SRFBP1: variants seen among roughly 807,000 people sequenced by gnomAD.
SRFBP1 encodes serum response factor binding protein 1.
In SRFBP1, 47 loss-of-function variants were observed where a neutral mutation model predicts 45.5. The observed-to-expected ratio is 1.03, with a 90% CI of 0.82 to 1.32. The LOEUF (loss-of-function observed/expected upper bound fraction) is 1.32. Ranked by LOEUF, SRFBP1 falls within the 40% of genes most tolerant of loss-of-function variation. The pLI is 0.00. For missense variants in SRFBP1, 621 were observed against 484.6 expected (o/e 1.28, Z -2.64); for synonymous variants, 203 against 166.3 (o/e 1.22, Z -1.70).
chr5:122,077,891 G>A (rs780762236), downstream of SRFBP1: 68 of 1,527,572 alleles, frequency 4.5e-5, no homozygotes, highest in East Asian at 1.5e-3. The surrounding 1 kb of genome is among the most constrained non-coding windows in gnomAD (Gnocchi z 4.9). Flanking sequence ...CGGCTCGCGC[G>A]GGGGCTGCTG....
intron 2 of SRFBP1, among the ~76,000 whole-genome samples, chr5:122,046,798 T>A (rs1753867747): frequency 6.6e-6 from 1 of 152,240 alleles, no homozygotes; most frequent in Non-Finnish European, 1.5e-5. Context: ...TGATGGCCAG[T>A]GATGATGAGC....
At chr5:122,005,785 G>T (rs572029600) in intron 4 of SRFBP1, among the ~76,000 whole-genome samples, 1 of 152,048 alleles carries the variant, frequency 6.6e-6, no homozygotes, top group African/African-American at 2.4e-5. Flanking sequence ...TGGCTACTTT[G>T]ATCATATTTA....
chr5:122,047,894 G>T (rs1459527147), intron 2 of SRFBP1, among the ~76,000 whole-genome samples: 1 of 152,128 alleles, frequency 6.6e-6, no homozygotes, highest in Non-Finnish European at 1.5e-5. Context: ...CACATCGATT[G>T]TGTATCCTGA....
chr5:122,035,483 A>T (rs1332839922), intron 2 of SRFBP1, among the ~76,000 whole-genome samples: 8 of 152,196 alleles, frequency 5.3e-5, no homozygotes, highest in Non-Finnish European at 1.2e-4. Flanking sequence ...GTCACAAGTG[A>T]GCCAGTGCTC....
chr5:122,042,913 C>G (rs1019262046), intron 2 of SRFBP1, among the ~76,000 whole-genome samples: 3 of 151,994 alleles, frequency 2.0e-5, no homozygotes, highest in Non-Finnish European at 2.9e-5. Context: ...AATATATAGG[C>G]CTCAGAAGTC....
intron 3 of SRFBP1, among the ~76,000 whole-genome samples, chr5:121,983,716 A>G (rs1263159356): frequency 1.3e-5 from 2 of 151,798 alleles, no homozygotes; most frequent in East Asian, 3.8e-4. Flanking sequence ...TTTTTAGAAT[A>G]TGAAGATTCA....
chr5:122,059,331 G>A (rs892118514), intron 2 of SRFBP1, among the ~76,000 whole-genome samples: 1 of 152,072 alleles, frequency 6.6e-6, no homozygotes, highest in African/African-American at 2.4e-5. Flanking sequence ...AGAGCAGGTT[G>A]CCTAAATTAG....
At chr5:121,988,878 C>T (rs1475048296) in intron 3 of SRFBP1, among the ~76,000 whole-genome samples, 1 of 151,938 alleles carries the variant, frequency 6.6e-6, no homozygotes, top group Non-Finnish European at 1.5e-5. Flanking sequence ...GTATTTTTTT[C>T]TCCTAAGTTC....
chr5:122,057,467 G>C (rs1429899855), intron 2 of SRFBP1, among the ~76,000 whole-genome samples: 3 of 147,342 alleles, frequency 2.0e-5, no homozygotes, highest in African/African-American at 7.6e-5. Flanking sequence ...TTCTGTGTGT[G>C]TGTGTGTGTG....
Position 122,027,132 on chromosome 5 carries a change from G to A in SRFBP1, c.*6G>A. 6.3e-7 allele frequency: 1 copy of A among 1,579,910 alleles called. No individual in the cohort carries two copies. Among genetic ancestry groups the A allele is most frequent in the Non-Finnish European group, 8.6e-7 (1 of 1,167,028 alleles). On this transcript the variant is annotated 3_prime_UTR_variant, in exon 8 of 8. Transcript: ENST00000339397. ...AAATTACGTTTGATGATTGATTAGT[G>A]CCTCTTTCTGCAAACTTTTCCATCT...
intron 1 of SRFBP1, among the ~76,000 whole-genome samples, chr5:121,964,576 C>T (rs1752023143): frequency 6.6e-6 from 1 of 152,168 alleles, no homozygotes; most frequent in Admixed American, 6.5e-5. Context: ...GCCGCATTTT[C>T]ATTATCCAGT....
chr5:122,059,743 T>C (rs1754142104), intron 2 of SRFBP1, among the ~76,000 whole-genome samples: 1 of 152,038 alleles, frequency 6.6e-6, no homozygotes, highest in South Asian at 2.1e-4. Flanking sequence ...CTGTACTTAT[T>C]CTATAGTGTC....
intron 2 of SRFBP1, chr5:122,066,723 T>C (rs371284053): frequency 6.3e-6 from 10 of 1,597,590 alleles, no homozygotes; most frequent in Non-Finnish European, 8.6e-6. Flanking sequence ...ATTTATCCAT[T>C]GGGAGTTTTG....
intron 4 of SRFBP1, among the ~76,000 whole-genome samples, chr5:122,004,573 G>A (rs72786958): frequency 0.015 from 2,266 of 152,038 alleles, 27 homozygotes; most frequent in Non-Finnish European, 0.022. Flanking sequence ...TTGTAGTCTA[G>A]CTATATAGGT....
At chr5:122,011,596 A>G (rs558391333) in intron 4 of SRFBP1, among the ~76,000 whole-genome samples, 1 of 152,156 alleles carries the variant, frequency 6.6e-6, no homozygotes, top group Non-Finnish European at 1.5e-5. Context: ...GAAGCCTATC[A>G]CATTCTGCCT....
Position 122,001,546 on chromosome 5 carries a change from C to CTT in SRFBP1, c.270+6901_270+6902dup, listed in dbSNP as rs1166482651. Among the ~76,000 whole-genome samples, 732 of 104,912 alleles carry CTT rather than the reference C, an allele frequency of 7.0e-3. 53 individuals carry two copies. The highest frequency in any genetic ancestry group is 0.019 in the East Asian group (67 of 3,460). 68.8% of individuals were successfully genotyped at this position (104,912 alleles called of 152,430 possible). On this transcript the variant is annotated intron_variant, in intron 4 of 7. Transcript: ENST00000339397. The stretch of plus-strand genomic sequence containing the variant: ...AAGAAGCCAAGTCATCCTTTGGTAT[C>CTT]TTTTTTTTTTTTTTTTTTTTTTTTT...
intron 2 of SRFBP1, among the ~76,000 whole-genome samples, chr5:122,049,100 G>A (rs978806824): frequency 1.3e-5 from 2 of 152,046 alleles, no homozygotes; most frequent in Non-Finnish European, 1.5e-5. Flanking sequence ...TTTTGAATGT[G>A]TTTGCTCTTG....
At chr5:122,070,193 G>T in intron 2 of SRFBP1, 2 of 1,298,498 alleles carry the variant, frequency 1.5e-6, no homozygotes, top group Non-Finnish European at 2.2e-6. Context: ...GAGTTCCTCA[G>T]TATTTCTTTT....
chr5:122,017,098 G>C (rs758094298), intron 4 of SRFBP1, among the ~76,000 whole-genome samples: 1 of 152,048 alleles, frequency 6.6e-6, no homozygotes, highest in African/African-American at 2.4e-5. Flanking sequence ...GCGTGGTGGC[G>C]GGTGCCTGTA....
Sources: allele counts gnomAD v4.1 joint callset (sites outside exome capture counted in the v4.1 genomes callset), GRCh38; gene constraint gnomAD v4.1.1; non-coding constraint Gnocchi (gnomAD v3.1); transcripts MANE v1.5; gene names NCBI Gene and HGNC (gene_info 2026-07-23, HGNC 2026-07-21).